CASS4: variants seen among roughly 807,000 people sequenced by gnomAD.
The protein encoded by CASS4 is cas scaffolding protein family member 4.
Under a neutral mutation model 54.2 loss-of-function variants are expected in CASS4, and 22 were observed. That is an observed-to-expected ratio of 0.41 (90% confidence interval 0.29 to 0.58). The LOEUF is 0.58. Among genes scored for constraint, CASS4 ranks in the 20% least tolerant of loss-of-function variants. The pLI, the probability that CASS4 is intolerant of heterozygous loss-of-function variation, is 0.36. For missense variants in CASS4, 854 were observed against 986.7 expected (o/e 0.87, Z 1.80); for synonymous variants, 409 against 391.5 (o/e 1.04, Z -0.53).
intron 3 of CASS4, among the ~76,000 whole-genome samples, chr20:56,446,242 A>G (rs1235437903): frequency 6.6e-6 from 1 of 152,184 alleles, no homozygotes. Flanking sequence ...TTTACTTTTC[A>G]TTTATAATAG....
intron 1 of CASS4, among the ~76,000 whole-genome samples, chr20:56,425,775 G>A (rs553880051): frequency 6.6e-6 from 1 of 152,268 alleles, no homozygotes; most frequent in African/African-American, 2.4e-5. Flanking sequence ...CTGTACAAAT[G>A]AACATGGACT....
chr20:56,456,588 A>G (rs1981309699), intron 5 of CASS4, among the ~76,000 whole-genome samples: 1 of 151,950 alleles, frequency 6.6e-6, no homozygotes, highest in Non-Finnish European at 1.5e-5. Context: ...TTGGCAAGGC[A>G]CATCTCAAAT....
rs1349536442 is a variant in CASS4, at chr20:56,412,670, G to A, written c.36+176G>A. Among the ~76,000 whole-genome samples, 2 of 152,198 alleles carry A rather than the reference G, an allele frequency of 1.3e-5. No individual in the cohort carries two copies. Among genetic ancestry groups the A allele is most frequent in the East Asian group, 1.9e-4 (1 of 5,196 alleles). On this transcript the variant is annotated intron_variant, in intron 1 of 5. Transcript: ENST00000679887. This position sits in a 1 kb window ranked among gnomAD's most constrained non-coding sequence, Gnocchi z 4.2. The stretch of plus-strand genomic sequence containing the variant: ...GTGTGGGAAATAGATGTGTTGTAAA[G>A]CTCCTTACCAGTTTGCATCCAAGAT...
At chr20:56,418,880 C>G (rs1979274806) in intron 1 of CASS4, among the ~76,000 whole-genome samples, 1 of 152,150 alleles carries the variant, frequency 6.6e-6, no homozygotes, top group African/African-American at 2.4e-5. Context: ...GCCTGGTCCC[C>G]TTTCTCCATA....
intron 1 of CASS4, among the ~76,000 whole-genome samples, chr20:56,422,844 A>G (rs1044617140): frequency 6.6e-6 from 1 of 152,212 alleles, no homozygotes; most frequent in African/African-American, 2.4e-5. Flanking sequence ...TCTTTTCATT[A>G]AAGTTTTTCT....
intron 2 of CASS4, among the ~76,000 whole-genome samples, chr20:56,440,800 G>T (rs1980417428): frequency 6.6e-6 from 1 of 152,174 alleles, no homozygotes; most frequent in African/African-American, 2.4e-5. Flanking sequence ...GCAAACAACA[G>T]AAACCGCAAG....
chr20:56,436,010 C>G (rs1264761639), intron 1 of CASS4, among the ~76,000 whole-genome samples: 3 of 152,116 alleles, frequency 2.0e-5, no homozygotes, highest in Non-Finnish European at 4.4e-5. Flanking sequence ...CCTCGGCCCC[C>G]CAAAGTGCTG....
At chr20:56,457,015 G>C (rs1280804075) in intron 5 of CASS4, among the ~76,000 whole-genome samples, 2 of 152,172 alleles carry the variant, frequency 1.3e-5, no homozygotes, top group African/African-American at 4.8e-5. Flanking sequence ...CTGCTTCCAA[G>C]AGTCCATGTG....
chr20:56,458,675 G>C lies in CASS4; in HGVS notation c.2289G>C (p.Ala763=). ...TGCTCACGTACCCCAGCCCTGCCGC[G>C]CTGGGGCACCTCCAGGCGGAGGCTG... is the stretch of plus-strand genomic sequence containing the variant. ...NAVLTYPSPA[A]LGHLQAEAEK... is the part of the protein sequence containing the mutation. The change falls in exon 6 of 6, where the codon GCG becomes GCC. Residue 763 remains alanine, a synonymous_variant. Coordinates refer to ENST00000679887, the MANE Select transcript of CASS4 (RefSeq NM_020356.4). 6.2e-7 allele frequency: 1 copy of C among 1,612,884 alleles called. No homozygotes were observed. Among genetic ancestry groups the C allele is most frequent in the Non-Finnish European group, 8.5e-7 (1 of 1,179,702 alleles).
chr20:56,434,164 G>A (rs1411121457), intron 1 of CASS4, among the ~76,000 whole-genome samples: 3 of 152,164 alleles, frequency 2.0e-5, no homozygotes, highest in Non-Finnish European at 4.4e-5. Context: ...CTTTGCTGGA[G>A]GGCAACGTGA....
At chr20:56,433,566 A>G (rs971156045) in intron 1 of CASS4, among the ~76,000 whole-genome samples, 4 of 152,226 alleles carry the variant, frequency 2.6e-5, no homozygotes, top group Non-Finnish European at 4.4e-5. Flanking sequence ...CGAGGACGAC[A>G]ACAGTGCCAT....
At chr20:56,425,942 T>G (rs547989488) in intron 1 of CASS4, among the ~76,000 whole-genome samples, 2 of 152,338 alleles carry the variant, frequency 1.3e-5, no homozygotes, top group South Asian at 4.1e-4. Flanking sequence ...TTTAAAAAAT[T>G]TAATACTACA....
chr20:56,418,626 G>C (rs576130037), intron 1 of CASS4, among the ~76,000 whole-genome samples: 2 of 152,326 alleles, frequency 1.3e-5, no homozygotes, highest in East Asian at 3.9e-4. Context: ...CTTCTCCATG[G>C]ACACGAAGGA....
chr20:56,431,830 A>G (rs1979919707), intron 1 of CASS4, among the ~76,000 whole-genome samples: 1 of 152,182 alleles, frequency 6.6e-6, no homozygotes, highest in African/African-American at 2.4e-5. Context: ...GTTTTTAAAG[A>G]TTGCTTTAAA....
rs781570933 is a variant in CASS4 at position 56,437,323 on chromosome 20, A to T, written c.196A>T (p.Asn66Tyr). ...TGGGAGGCAAGGCCTGGCCCCTGCC[A>T]ACCGCCTCCAAATCCTCACGGAGGT... is the stretch of plus-strand genomic sequence containing the variant. ...LHGRQGLAPA[N>Y]RLQILTEVAA... is the part of the protein sequence containing the mutation. Residue 66 changes from asparagine (N) to tyrosine (Y), a missense_variant, in exon 2 of 6, where the codon AAC becomes TAC. By Grantham distance (143) the Asn-to-Tyr change is moderately radical. Transcript: ENST00000679887. The surrounding 1 kb of genome is among the most constrained non-coding windows in gnomAD (Gnocchi z 4.7). The T allele has an allele frequency of 1.9e-6, 3 of 1,614,062 alleles. No homozygotes were observed. In the Admixed American group the frequency reaches 5.0e-5, roughly 27 times the overall value.
intron 3 of CASS4, among the ~76,000 whole-genome samples, chr20:56,448,451 C>A (rs917646215): frequency 1.3e-5 from 2 of 152,284 alleles, no homozygotes; most frequent in Admixed American, 1.3e-4. Context: ...TTTCAACTTT[C>A]CCAAGCCAGA....
chr20:56,433,378 C>A lies in CASS4; in HGVS notation c.37-3786C>A, dbSNP rs139317043. ...ACTCAAGCCCTCAGAAAGGGTGACA[C>A]CCTGGAGGCCAGTGAGGAAGTGATA... On this transcript the variant is annotated intron_variant, in intron 1 of 5. Transcript: ENST00000679887. Among the ~76,000 whole-genome samples the A allele has an allele frequency of 2.4e-4, 36 of 152,244 alleles. No homozygotes were observed. In the East Asian group the frequency reaches 6.2e-3, roughly 26 times the overall value.
At chr20:56,446,206 A>C (rs1013555347) in intron 3 of CASS4, among the ~76,000 whole-genome samples, 1 of 152,110 alleles carries the variant, frequency 6.6e-6, no homozygotes. Context: ...CATTATGACT[A>C]CTTGAGTTCT....
At chr20:56,416,049 A>C (rs1419708862) in intron 1 of CASS4, among the ~76,000 whole-genome samples, 1 of 152,122 alleles carries the variant, frequency 6.6e-6, no homozygotes, top group African/African-American at 2.4e-5. Flanking sequence ...CTAGAAATTT[A>C]GTTTTCGTGG....
Sources: gnomAD v4.1 joint callset for allele counts (sites outside exome capture counted in the v4.1 genomes callset) on GRCh38, gnomAD v4.1.1 for gene constraint, Gnocchi (gnomAD v3.1) non-coding constraint, MANE v1.5 for transcripts, NCBI Gene and HGNC (gene_info 2026-07-23, HGNC 2026-07-21) for gene names.